The following KIAA1328 variants were observed in gnomAD, a reference collection of about 807,000 sequenced individuals.
The protein encoded by KIAA1328 is protein hinderin.
KIAA1328 carries 52 observed loss-of-function variants against 68.1 expected under a neutral mutation model. The observed-to-expected ratio is 0.76, with a 90% CI of 0.61 to 0.96. The LOEUF (loss-of-function observed/expected upper bound fraction) is 0.96. Ranked by LOEUF, KIAA1328 falls within the 40% of genes least tolerant of loss-of-function variation. KIAA1328 has a pLI of 0.00. For missense variants in KIAA1328, 641 were observed against 677.6 expected (o/e 0.95, Z 0.60); for synonymous variants, 232 against 239.4 (o/e 0.97, Z 0.28).
intron 5 of KIAA1328, among the ~76,000 whole-genome samples, chr18:36,912,952 C>G (rs570156224): frequency 2.6e-5 from 4 of 152,108 alleles, no homozygotes; most frequent in Non-Finnish European, 4.4e-5. Context: ...ATGGAGTTAC[C>G]TGTTTTAGTC....
intron 4 of KIAA1328, among the ~76,000 whole-genome samples, chr18:36,872,921 G>A (rs1050562040): frequency 6.6e-6 from 1 of 152,158 alleles, no homozygotes; most frequent in Non-Finnish European, 1.5e-5. Context: ...TGATTGAAAG[G>A]TTTTGTGAGG....
intron 6 of KIAA1328, among the ~76,000 whole-genome samples, chr18:37,041,759 C>T (rs114267561): frequency 1.3e-5 from 2 of 151,730 alleles, no homozygotes; most frequent in Non-Finnish European, 2.9e-5. Context: ...TTGCAATATG[C>T]TTCTTAACCT....
intron 5 of KIAA1328, among the ~76,000 whole-genome samples, chr18:36,953,832 G>T (rs981281853): frequency 5.9e-5 from 9 of 151,938 alleles, no homozygotes; most frequent in Non-Finnish European, 1.3e-4. Flanking sequence ...CCTGAACAAG[G>T]ATTCAGTTGT....
intron 5 of KIAA1328, among the ~76,000 whole-genome samples, chr18:36,934,600 G>C (rs1041645264): frequency 6.6e-6 from 1 of 152,094 alleles, no homozygotes; most frequent in Non-Finnish European, 1.5e-5. Context: ...TGAGAATGAT[G>C]ATTTCCAATT....
intron 5 of KIAA1328, among the ~76,000 whole-genome samples, chr18:36,895,529 A>G (rs2048840624): frequency 6.6e-6 from 1 of 152,260 alleles, no homozygotes; most frequent in South Asian, 2.1e-4. Context: ...TGAGACAAAT[A>G]TTTTTTAAAA....
intron 6 of KIAA1328, among the ~76,000 whole-genome samples, chr18:37,020,568 G>C (rs1242594268): frequency 1.3e-5 from 2 of 152,216 alleles, no homozygotes; most frequent in Admixed American, 6.5e-5. Context: ...ATGGTAAACA[G>C]TATGTAAGAG....
chr18:37,230,846 A>G (rs1010750555), downstream of KIAA1328: 2 of 152,170 alleles, frequency 1.3e-5, no homozygotes, highest in African/African-American at 4.8e-5. Flanking sequence ...TACAAATCTA[A>G]GATTTGTAAC....
intron 5 of KIAA1328, among the ~76,000 whole-genome samples, chr18:36,939,478 C>T (rs2050626882): frequency 6.6e-6 from 1 of 152,036 alleles, no homozygotes; most frequent in South Asian, 2.1e-4. Context: ...TTTATCAGCT[C>T]TAAATTTTTT....
intron 7 of KIAA1328, among the ~76,000 whole-genome samples, chr18:37,101,462 A>G (rs2057614098): frequency 1.3e-5 from 2 of 152,228 alleles, no homozygotes; most frequent in African/African-American, 4.8e-5. Flanking sequence ...AGAGAAGTTT[A>G]GAGAAAAAAG....
intron 5 of KIAA1328, among the ~76,000 whole-genome samples, chr18:36,949,568 C>T (rs2051056822): frequency 6.7e-6 from 1 of 149,474 alleles, no homozygotes; most frequent in South Asian, 2.2e-4. Context: ...ATGTAAAGCA[C>T]CTCAATTTCA....
intron 7 of KIAA1328, among the ~76,000 whole-genome samples, chr18:37,070,610 G>A (rs1212001323): frequency 7.4e-5 from 11 of 147,668 alleles, no homozygotes; most frequent in South Asian, 2.1e-4. Flanking sequence ...AGTCTCTGTC[G>A]CTGAGGTTGG....
intron 7 of KIAA1328, among the ~76,000 whole-genome samples, chr18:37,070,519 T>C (rs150859620): frequency 7.3e-4 from 111 of 152,290 alleles, no homozygotes; most frequent in African/African-American, 2.6e-3. Context: ...GTTTGCTATG[T>C]CTTCTTGGTA....
At chr18:36,896,348 A>T (rs564587021) in intron 5 of KIAA1328, among the ~76,000 whole-genome samples, 7 of 152,228 alleles carry the variant, frequency 4.6e-5, no homozygotes, top group African/African-American at 1.2e-4. Flanking sequence ...TTTTATAATT[A>T]AAAAAATAGC....
intron 7 of KIAA1328, among the ~76,000 whole-genome samples, chr18:37,141,286 C>T (rs1463684880): frequency 6.6e-6 from 1 of 152,188 alleles, no homozygotes; most frequent in Admixed American, 6.5e-5. Flanking sequence ...AACCAATAAT[C>T]TGTTATATAT....
chr18:37,008,264 G>A (rs1287811535), intron 6 of KIAA1328, among the ~76,000 whole-genome samples: 1 of 152,206 alleles, frequency 6.6e-6, no homozygotes, highest in Non-Finnish European at 1.5e-5. Flanking sequence ...GGCAACACAA[G>A]TACTATGCTA....
At chr18:36,966,227 A>T (rs2051931183) in intron 6 of KIAA1328, among the ~76,000 whole-genome samples, 1 of 152,216 alleles carries the variant, frequency 6.6e-6, no homozygotes. Flanking sequence ...AAAGACTAAG[A>T]GTACTAGTTT....
At chr18:37,175,458 A>T (rs1425658830) in intron 9 of KIAA1328, among the ~76,000 whole-genome samples, 2 of 152,214 alleles carry the variant, frequency 1.3e-5, no homozygotes, top group Non-Finnish European at 2.9e-5. Context: ...AATACTGCAG[A>T]TCAGCTAAAT....
intron 7 of KIAA1328, chr18:37,075,175 A>C (rs2056675854): frequency 1.3e-5 from 2 of 151,898 alleles, no homozygotes; most frequent in African/African-American, 2.4e-5. Context: ...GGGGGCCAAT[A>C]TTCAACATTC....
intron 9 of KIAA1328, among the ~76,000 whole-genome samples, chr18:37,211,706 TG>T (rs1372734661): frequency 6.6e-6 from 1 of 152,216 alleles, no homozygotes; most frequent in Non-Finnish European, 1.5e-5. Context: ...TATAGTTTGG[TG>T]GGTCATTATT....
Sources: allele counts gnomAD v4.1 joint callset (sites outside exome capture counted in the v4.1 genomes callset), GRCh38; gene constraint gnomAD v4.1.1; transcripts MANE v1.5; gene names NCBI Gene and HGNC (gene_info 2026-07-23, HGNC 2026-07-21).